The following ADAMTSL1 variants were observed in gnomAD, a reference collection of about 807,000 sequenced individuals.
The protein encoded by ADAMTSL1 is ADAMTS like 1, also known as ADAMTS-like protein 1.
ADAMTSL1 carries 126 observed loss-of-function variants against 201.8 expected under a neutral mutation model. The ratio of observed to expected loss-of-function variants is 0.62; its 90% CI spans 0.54 to 0.72. The LOEUF is 0.72. Among genes scored for constraint, ADAMTSL1 ranks in the 30% least tolerant of loss-of-function variants. The pLI, the probability that ADAMTSL1 is intolerant of heterozygous loss-of-function variation, is 0.00. For missense variants in ADAMTSL1, 2,679 were observed against 2,277.8 expected (o/e 1.18, Z -3.59); for synonymous variants, 1,121 against 903.4 (o/e 1.24, Z -4.32).
At chr9:18,204,960 A>T (rs983600914) in intron 2 of ADAMTSL1, among the ~76,000 whole-genome samples, 1 of 152,190 alleles carries the variant, frequency 6.6e-6, no homozygotes, top group Non-Finnish European at 1.5e-5. Context: ...AGAGTTGGGC[A>T]TTACAACAGA....
intron 1 of ADAMTSL1, among the ~76,000 whole-genome samples, chr9:17,913,544 C>G (rs1468295559): frequency 6.6e-6 from 1 of 152,046 alleles, no homozygotes; most frequent in African/African-American, 2.4e-5. Context: ...AAATTTATAG[C>G]ACTAAATGCC....
At chr9:17,923,172 G>A (rs1470576754) in intron 1 of ADAMTSL1, among the ~76,000 whole-genome samples, 1 of 151,580 alleles carries the variant, frequency 6.6e-6, no homozygotes, top group African/African-American at 2.4e-5. Context: ...TTCCAATTCT[G>A]TGAAGAAAGT....
At chr9:18,663,089 C>T (rs960433920) in intron 9 of ADAMTSL1, among the ~76,000 whole-genome samples, 2 of 152,088 alleles carry the variant, frequency 1.3e-5, no homozygotes, top group African/African-American at 4.8e-5. Flanking sequence ...CGATGCAAAT[C>T]ATTCTATTTT....
At chr9:18,248,045 A>G (rs1316410544) in intron 2 of ADAMTSL1, among the ~76,000 whole-genome samples, 2 of 152,062 alleles carry the variant, frequency 1.3e-5, no homozygotes, top group African/African-American at 2.4e-5. Context: ...AAGGTTTCTC[A>G]TTTGTGTACT....
At chr9:18,643,400 G>T (rs1827572447) in intron 7 of ADAMTSL1, among the ~76,000 whole-genome samples, 1 of 151,866 alleles carries the variant, frequency 6.6e-6, no homozygotes, top group Non-Finnish European at 1.5e-5. Flanking sequence ...TTCCTTCACT[G>T]TGCAGAAGCT....
At chr9:18,133,212 T>C (rs1826020232) in intron 1 of ADAMTSL1, among the ~76,000 whole-genome samples, 1 of 152,072 alleles carries the variant, frequency 6.6e-6, no homozygotes, top group Non-Finnish European at 1.5e-5. Flanking sequence ...TCTCCCAGGA[T>C]TAGAGTTGGG....
At chr9:18,170,853 C>T (rs1265623277) in intron 2 of ADAMTSL1, among the ~76,000 whole-genome samples, 2 of 152,080 alleles carry the variant, frequency 1.3e-5, no homozygotes, top group East Asian at 3.9e-4. Flanking sequence ...CAGGCTTTCT[C>T]TCTACTGTTG....
At chr9:18,259,366 G>C (rs1831823280) in intron 2 of ADAMTSL1, among the ~76,000 whole-genome samples, 9 of 151,854 alleles carry the variant, frequency 5.9e-5, no homozygotes, top group Admixed American at 5.9e-4. Context: ...TCTACAAAAA[G>C]TACAAAAAAT....
At chr9:17,949,179 C>G (rs1827633863) in intron 1 of ADAMTSL1, among the ~76,000 whole-genome samples, 1 of 152,120 alleles carries the variant, frequency 6.6e-6, no homozygotes, top group African/African-American at 2.4e-5. Context: ...ATGTTGTATG[C>G]AAGATAATTA....
chr9:18,905,465 C>T (rs1830251574), intron 26 of ADAMTSL1: 1 of 326,340 alleles, frequency 3.1e-6, no homozygotes, highest in South Asian at 3.7e-5. Context: ...AAGTCTACTG[C>T]CACATTCCTA....
At chr9:18,522,123 T>A (rs1468627369) in intron 2 of ADAMTSL1, among the ~76,000 whole-genome samples, 7 of 152,124 alleles carry the variant, frequency 4.6e-5, no homozygotes, top group African/African-American at 1.4e-4. Context: ...CAATAATGTG[T>A]CTGTGCTAGG....
chr9:18,308,263 C>G (rs562600534), intron 2 of ADAMTSL1, among the ~76,000 whole-genome samples: 20 of 152,122 alleles, frequency 1.3e-4, no homozygotes, highest in Middle Eastern at 6.8e-3. Flanking sequence ...AATCAATACC[C>G]TAATATCACA....
intron 1 of ADAMTSL1, among the ~76,000 whole-genome samples, chr9:18,078,101 G>T (rs985352685): frequency 2.0e-5 from 3 of 152,240 alleles, no homozygotes; most frequent in Admixed American, 6.5e-5. Flanking sequence ...ACAGATAAAA[G>T]TAGTAGCATT....
At position 18,444,716 on chromosome 9, in the gene ADAMTSL1, G is replaced by T. The variant is rs191708549; in HGVS notation, c.208-60113G>T. Among the ~76,000 whole-genome samples, 4 of 152,246 alleles carry T rather than the reference G, an allele frequency of 2.6e-5. No individual in the cohort carries two copies. In the East Asian group the frequency reaches 7.7e-4, roughly 29 times the overall value. On this transcript the variant is annotated intron_variant, in intron 2 of 29. Coordinates refer to the ADAMTSL1 transcript ENST00000680146. ...GATGCAGATAATAATAGTAGTACGA[G>T]TTAAGGCCAAAGGGATGGCACACAG...
At chr9:18,632,816 A>G (rs1826860905) in intron 5 of ADAMTSL1, among the ~76,000 whole-genome samples, 1 of 152,128 alleles carries the variant, frequency 6.6e-6, no homozygotes. Context: ...CAACTGCTAG[A>G]GTTTGTACCA....
intron 2 of ADAMTSL1, among the ~76,000 whole-genome samples, chr9:18,525,149 T>A (rs1818955765): frequency 6.6e-6 from 1 of 152,228 alleles, no homozygotes; most frequent in Admixed American, 6.5e-5. Flanking sequence ...GGGATTCAAC[T>A]TCTTCCTGGT....
At chr9:18,289,508 T>G (rs907662651) in intron 2 of ADAMTSL1, among the ~76,000 whole-genome samples, 1 of 152,194 alleles carries the variant, frequency 6.6e-6, no homozygotes, top group Non-Finnish European at 1.5e-5. Flanking sequence ...GGAATCAGAA[T>G]ACCAGGGTGG....
At chr9:18,873,743 T>G (rs58408899) in intron 23 of ADAMTSL1, among the ~76,000 whole-genome samples, 159 of 152,292 alleles carry the variant, frequency 1.0e-3, no homozygotes, top group African/African-American at 3.8e-3. Context: ...GCCTCCAGAT[T>G]TGTTCTTTTT....
intron 2 of ADAMTSL1, among the ~76,000 whole-genome samples, chr9:18,531,975 G>T (rs995226851): frequency 1.3e-5 from 2 of 151,852 alleles, no homozygotes; most frequent in African/African-American, 4.8e-5. Context: ...ATATGATGAT[G>T]GTACTCTATC....
Sources: gnomAD v4.1 joint callset for allele counts (sites outside exome capture counted in the v4.1 genomes callset) on GRCh38, gnomAD v4.1.1 for gene constraint, MANE v1.5 for transcripts, NCBI Gene and HGNC (gene_info 2026-07-23, HGNC 2026-07-21) for gene names.